Variants in NOTCH2 observed in about 807,000 individuals in gnomAD.
NOTCH2 encodes notch receptor 2.
Under a neutral mutation model 235.8 loss-of-function variants are expected in NOTCH2, and 29 were observed. The observed-to-expected ratio is 0.12, with a 90% CI of 0.09 to 0.17. The LOEUF is 0.17. Among genes scored for constraint, NOTCH2 ranks in the 10% least tolerant of loss-of-function variants. The probability of loss-of-function intolerance (pLI) is 1.00; values close to 1 mark genes in which losing one functional copy is unlikely to be tolerated. For missense variants in NOTCH2, 2,285 were observed against 3,150.2 expected (o/e 0.73, Z 6.57); for synonymous variants, 1,086 against 1,141.5 (o/e 0.95, Z 0.98).
intron 4 of NOTCH2, 41 bp downstream of exon 4, chr1:119,996,956 G>A (rs781839000): frequency 1.3e-6 from 2 of 1,593,666 alleles, no homozygotes; most frequent in South Asian, 1.1e-5. Context: ...CCTGTGCTAG[G>A]GGTTTGTCCC....
chr1:119,965,349 G>T, intron 10 of NOTCH2, 104 bp downstream of exon 10: 1 of 920,790 alleles, frequency 1.1e-6, no homozygotes, highest in Non-Finnish European at 1.8e-6. Flanking sequence ...AGGAGCCTCT[G>T]GGAGTGGACT....
chr1:119,972,996 G>GA (rs1553200545), intron 5 of NOTCH2, among the ~76,000 whole-genome samples: 1 of 152,138 alleles, frequency 6.6e-6, no homozygotes, highest in African/African-American at 2.4e-5. Context: ...GTCTAAAAGG[G>GA]AAATGTATTT....
At chr1:119,965,334 C>T (rs1378408810) in intron 10 of NOTCH2, 119 bp downstream of exon 10, 6 of 858,510 alleles carry the variant, frequency 7.0e-6, no homozygotes, top group Non-Finnish European at 1.0e-5. Flanking sequence ...TCTTCCTAAA[C>T]ACAGAGGAGC....
rs587650934 is a variant in NOTCH2 at position 119,957,761 on chromosome 1, A to G, written c.2026+1631T>C. Among the ~76,000 whole-genome samples the G allele has an allele frequency of 2.8e-4, 43 of 151,936 alleles. 1 individual carries two copies. The South Asian group carries it at 8.1e-3, about 29-fold the overall frequency. The stretch of plus-strand genomic sequence containing the variant: ...TCTTGGCCTTCCTGGTTTGCTGAAT[A>G]TTAAAAAGAGAAAGAATATGATTCA... On this transcript the variant is annotated intron_variant, in intron 12 of 33. Transcript: ENST00000256646.
intron 17 of NOTCH2, among the ~76,000 whole-genome samples, chr1:119,945,988 G>C (rs968468405): frequency 6.6e-6 from 1 of 151,906 alleles, no homozygotes; most frequent in East Asian, 1.9e-4. Flanking sequence ...ACCAATAGTA[G>C]AAACAAGAGA....
In NOTCH2 at chr1:119,919,541, G is replaced by GCATCTT. The variant is rs764518778; in HGVS notation, c.5546_5551dup (p.Glu1849_Asp1850dup). The stretch of plus-strand genomic sequence containing the variant: ...GATGATGTTAGCAGAAGAGTCCTCT[G>GCATCTT]CATCTTCATCTTCATCACTCAAATC... On this transcript the variant is annotated inframe_insertion, in exon 31 of 34. Transcript: ENST00000256646. The GCATCTT allele has an allele frequency of 1.9e-6, 3 of 1,614,140 alleles. No individual in the cohort carries two copies. The highest frequency in any genetic ancestry group is 1.1e-5 in the South Asian group (1 of 91,082).
chr1:120,015,954 C>CA (rs142931224), intron 2 of NOTCH2, among the ~76,000 whole-genome samples: 3,557 of 108,414 alleles, frequency 0.033, 138 homozygotes, highest in African/African-American at 0.11. Flanking sequence ...CCCCTTCTCT[C>CA]AAAAAAAAAA....
At chr1:119,966,167 T>C (rs1015048909) in intron 9 of NOTCH2, among the ~76,000 whole-genome samples, 1 of 152,200 alleles carries the variant, frequency 6.6e-6, no homozygotes, top group African/African-American at 2.4e-5. Flanking sequence ...CATTCAAGAA[T>C]AGACTTGGAC....
At chr1:119,924,145 T>C (rs1649383265) in intron 25 of NOTCH2, among the ~76,000 whole-genome samples, 161 bp from the exon 26 acceptor site, 1 of 152,248 alleles carries the variant, frequency 6.6e-6, no homozygotes, top group Non-Finnish European at 1.5e-5. Flanking sequence ...CTCCTATCCC[T>C]GATGCCTATG....
At position 119,926,630 on chromosome 1, in the gene NOTCH2, A is replaced by C. The variant is rs747569309; in HGVS notation, c.3893-19T>G. On this transcript the variant is annotated intron_variant, in intron 23 of 33. Coordinates refer to ENST00000256646, the MANE Select transcript of NOTCH2 (RefSeq NM_024408.4). ...TGCCGGCCTCAGAAAATAAAAAATA[A>C]AAAAGGTTTTAAAAGGCAGAAGTAG... 7 of 1,575,430 alleles carry C rather than the reference A, an allele frequency of 4.4e-6. No individual in the cohort carries two copies. In the South Asian group the frequency reaches 8.1e-5, roughly 18 times the overall value.
rs1380049284 is a variant in NOTCH2, at chr1:119,936,609, G to C, written c.3522+673C>G. ...CTGTGAAGAAATAAACAACCTAGGG[G>C]CCAAAATACAGAAGCTATCGTTGGC... On this transcript the variant is annotated intron_variant, in intron 21 of 33. Transcript: ENST00000256646. 2.6e-5 allele frequency among the ~76,000 whole-genome samples: 4 copies of C among 152,260 alleles called. 1 individual carries two copies. Among genetic ancestry groups the C allele is most frequent in the Middle Eastern group, 6.8e-3 (2 of 294 alleles).
At position 119,916,124 on chromosome 1, in the gene NOTCH2, A is replaced by G. The variant is rs1649057635; in HGVS notation, c.6598T>C (p.Ser2200Pro). ...TGCATTTCATGAAGGTTAGAAAAAG[A>G]TAGTGCATGCTGGGCATGGACTGGG... ...PAPVHAQHAL[S>P]FSNLHEMQPL... The change falls in exon 34 of 34, where the codon TCT (serine) becomes CCT (proline). Residue 2200 changes from serine to proline, a missense_variant. Physicochemically the swap from Ser to Pro is moderately conservative, Grantham distance 74. Transcript: ENST00000256646. 1 of 1,614,044 alleles carries G rather than the reference A, an allele frequency of 6.2e-7. No individual in the cohort carries two copies. Among genetic ancestry groups the G allele is most frequent in the African/African-American group, 1.3e-5 (1 of 74,934 alleles).
chr1:119,937,200 A>T, intron 21 of NOTCH2, 82 bp downstream of exon 21: 1 of 1,309,478 alleles, frequency 7.6e-7, no homozygotes, highest in Non-Finnish European at 1.1e-6. Context: ...AGATACAAGC[A>T]GCTAAATTCA....
chr1:119,919,469 C>A lies in NOTCH2; in HGVS notation c.5624G>T (p.Arg1875Leu), dbSNP rs148613210. The A allele has an allele frequency of 6.2e-7, 1 of 1,613,810 alleles. No individual in the cohort carries two copies. Among genetic ancestry groups the A allele is most frequent in the Non-Finnish European group, 8.5e-7 (1 of 1,180,038 alleles). ...QGASLQAQTDRTGEMALHLAA... is the reference protein window; with the variant it reads ...QGASLQAQTDLTGEMALHLAA... ...AAGGTGCAGGGCCATCTCACCAGTC[C>A]GGTCTGTCTGGGCCTGGAGGCTGGC... Residue 1875 changes from arginine to leucine, a missense_variant, in exon 31 of 34, where the codon CGG becomes CTG. By Grantham distance (102) the Arg-to-Leu change is moderately radical (BLOSUM62 -2). Coordinates refer to ENST00000256646, the MANE Select transcript of NOTCH2 (RefSeq NM_024408.4).
Position 119,940,746 on chromosome 1 carries a change from T to C in NOTCH2, c.2992A>G (p.Asn998Asp). 6.2e-7 allele frequency: 1 copy of C among 1,614,106 alleles called. No homozygotes were observed. The highest frequency in any genetic ancestry group is 8.5e-7 in the Non-Finnish European group (1 of 1,180,002). Residue 998 changes from asparagine (N) to aspartate (D), a missense_variant, in exon 19 of 34, where the codon AAT becomes GAT. Around this residue, in one of 6 missense-constraint regions of NOTCH2, gnomAD observed 1,173 missense variants for 1,515.3 expected, o/e 0.77. Coordinates refer to ENST00000256646, the MANE Select transcript of NOTCH2 (RefSeq NM_024408.4). ...ATCCCATCAACACATGTGCCACCATTGAAACAGGAGCTAAGAAGCAAACAG... is the reference window on the plus strand; with the variant it reads ...ATCCCATCAACACATGTGCCACCATCGAAACAGGAGCTAAGAAGCAAACAG... Reference protein sequence around the residue: ...INECTESSCFNGGTCVDGINS... With the variant: ...INECTESSCFDGGTCVDGINS...
chr1:119,968,321 A>G lies in NOTCH2; in HGVS notation c.1109-89T>C, dbSNP rs970323569. On this transcript the variant is annotated intron_variant, in intron 6 of 33. Coordinates refer to ENST00000256646, the MANE Select transcript of NOTCH2 (RefSeq NM_024408.4). ...TCTTTCACCCAGGAGGGAAAACCTC[A>G]TGATCAGTTCCTCAGAATCCAACAT... The G allele has an allele frequency of 6.8e-5, 91 of 1,340,236 alleles. 1 individual carries two copies. The highest frequency in any genetic ancestry group is 9.0e-5 in the Non-Finnish European group (86 of 957,298). 83.0% of individuals were successfully genotyped at this position (1,340,236 alleles called of 1,614,324 possible).
chr1:119,977,303 A>G (rs955444356), intron 5 of NOTCH2, among the ~76,000 whole-genome samples: 1 of 152,110 alleles, frequency 6.6e-6, no homozygotes, highest in African/African-American at 2.4e-5. Context: ...CTACACCACC[A>G]GTTCACACGC....
At chr1:119,954,660 G>C (rs1285042854) in intron 13 of NOTCH2, among the ~76,000 whole-genome samples, 10 of 152,276 alleles carry the variant, frequency 6.6e-5, no homozygotes, top group African/African-American at 2.4e-4. Context: ...TGACAGAACA[G>C]AGCTGAGCTA....
chr1:119,959,311 T>A (rs1650847769), intron 12 of NOTCH2, 81 bp downstream of exon 12: 4 of 828,928 alleles, frequency 4.8e-6, no homozygotes, highest in Non-Finnish European at 2.1e-6. Context: ...AGGAAACACT[T>A]GAAAAGCAAT....
Sources: gnomAD v4.1 joint callset for allele counts (sites outside exome capture counted in the v4.1 genomes callset) on GRCh38, gnomAD v4.1.1 for gene constraint, gnomAD v4.1.1 regional missense constraint, MANE v1.5 for transcripts, NCBI Gene and HGNC (gene_info 2026-07-23, HGNC 2026-07-21) for gene names.